Variants in CNIH3 observed in about 807,000 individuals in gnomAD.
CNIH3 encodes the protein protein cornichon homolog 3.
A neutral mutation model predicts 24.1 loss-of-function variants in CNIH3; 14 were observed. That is an observed-to-expected ratio of 0.58 (90% CI 0.38 to 0.91). CNIH3 has a LOEUF of 0.91. Among genes scored for constraint, CNIH3 ranks in the 40% least tolerant of loss-of-function variants. CNIH3 has a pLI of 0.00. For synonymous variants in CNIH3, 68 were observed against 73.8 expected (o/e 0.92, Z 0.40); for missense variants, 178 against 196.8 (o/e 0.90, Z 0.57).
chr1:224,540,301 A>G (rs1259251823), downstream of CNIH3, among the ~76,000 whole-genome samples: 1 of 152,174 alleles, frequency 6.6e-6, no homozygotes, highest in African/African-American at 2.4e-5. Flanking sequence ...GTGTCACCCA[A>G]TAATAAGGCT....
intron 3 of CNIH3, among the ~76,000 whole-genome samples, chr1:224,727,548 C>T (rs888135244): frequency 1.3e-5 from 2 of 152,210 alleles, no homozygotes; most frequent in African/African-American, 4.8e-5. Flanking sequence ...AGCCCCAACC[C>T]CTGAGAGCTG....
chr1:224,435,144 T>C, intron 1 of CNIH3: 1 of 985,878 alleles, frequency 1.0e-6, no homozygotes, highest in Non-Finnish European at 1.2e-6. Flanking sequence ...CATGGGCATG[T>C]AAGGTGCGCG....
Position 224,684,294 on chromosome 1 carries a change from A to G in CNIH3, c.151-502A>G, listed in dbSNP as rs7537218. 0.18 allele frequency among the ~76,000 whole-genome samples: 26,805 copies of G among 152,170 alleles called. 2,524 individuals carry two copies. The highest frequency in any genetic ancestry group is 0.23 in the African/African-American group (9,591 of 41,504). ...CATTGTTGTCTAATTTAGTAGGGAG[A>G]TTACTTCCTCCAAGTAGACTCACTT... On this transcript the variant is annotated intron_variant, in intron 2 of 5. Coordinates refer to ENST00000272133, the MANE Select transcript of CNIH3 (RefSeq NM_152495.2). The surrounding 1 kb of genome is among the most constrained non-coding windows in gnomAD (Gnocchi z 4.2).
chr1:224,563,875 G>A (rs894996078), intron 3 of CNIH3, among the ~76,000 whole-genome samples: 1 of 152,194 alleles, frequency 6.6e-6, no homozygotes, highest in South Asian at 2.1e-4. Context: ...ATTGAGAATA[G>A]CCTCCTGTTT....
intron 3 of CNIH3, among the ~76,000 whole-genome samples, chr1:224,728,356 A>C (rs1236428024): frequency 1.3e-5 from 2 of 152,108 alleles, no homozygotes; most frequent in African/African-American, 4.8e-5. Context: ...CACAGCTCTG[A>C]GGTCCTATAA....
At chr1:224,482,326 C>T (rs954886358) in intron 1 of CNIH3, among the ~76,000 whole-genome samples, 2 of 152,038 alleles carry the variant, frequency 1.3e-5, no homozygotes, top group Non-Finnish European at 2.9e-5. Flanking sequence ...TCGTAGCGAC[C>T]ACAGCTGTGA....
At chr1:224,479,272 G>A (rs147263165) in intron 1 of CNIH3, among the ~76,000 whole-genome samples, 2,570 of 146,908 alleles carry the variant, frequency 0.017, 46 homozygotes, top group Non-Finnish European at 0.024. Context: ...TCCTGCCTCA[G>A]CCTCCCAAGT....
intron 3 of CNIH3, among the ~76,000 whole-genome samples, chr1:224,720,100 G>T (rs979250450): frequency 6.6e-6 from 1 of 152,178 alleles, no homozygotes. Flanking sequence ...TGATGATGAT[G>T]ATGATGACAG....
intron 5 of CNIH3, among the ~76,000 whole-genome samples, chr1:224,586,289 T>G (rs1275834739): frequency 2.0e-5 from 3 of 152,178 alleles, no homozygotes; most frequent in African/African-American, 4.8e-5. Context: ...CAGTTCCATG[T>G]GGCTGGGGAG....
chr1:224,457,416 C>A (rs181794945), intron 1 of CNIH3, among the ~76,000 whole-genome samples: 4 of 151,802 alleles, frequency 2.6e-5, no homozygotes, highest in African/African-American at 9.7e-5. Flanking sequence ...CTCTGCCTAG[C>A]CTTTACATTT....
chr1:224,611,642 A>T (rs1471514540), upstream of CNIH3: 2 of 152,254 alleles, frequency 1.3e-5, no homozygotes, highest in South Asian at 4.1e-4. Context: ...AAACTGTGTC[A>T]TATGGCCTCT....
rs900434009 is a variant in CNIH3, at chr1:224,563,602, A to C, written n.451-2597A>C. 5.3e-5 allele frequency among the ~76,000 whole-genome samples: 8 copies of C among 152,120 alleles called. No individual in the cohort carries two copies. In the East Asian group the frequency reaches 1.3e-3, roughly 26 times the overall value. ...GATTCTGAAGAACTTTAGAGTACTTAAGATTGGCATCCATTAGCCTAGGCT... is the reference window on the plus strand; with the variant it reads ...GATTCTGAAGAACTTTAGAGTACTTCAGATTGGCATCCATTAGCCTAGGCT... On this transcript the variant is annotated intron_variant and non_coding_transcript_variant, in intron 3 of 5. Coordinates refer to the CNIH3 transcript ENST00000471578.
chr1:224,626,394 A>G (rs138883614), intron 1 of CNIH3, among the ~76,000 whole-genome samples: 47 of 152,240 alleles, frequency 3.1e-4, no homozygotes, highest in Non-Finnish European at 5.1e-4. Flanking sequence ...ATACAAATCC[A>G]GGGCATAATG....
At chr1:224,517,940 A>G (rs574666250) in intron 1 of CNIH3, among the ~76,000 whole-genome samples, 1 of 152,222 alleles carries the variant, frequency 6.6e-6, no homozygotes, top group African/African-American at 2.4e-5. Context: ...TGAGGAGGGT[A>G]AGGAATGCAG....
At chr1:224,622,847 T>C (rs1397005885) in intron 1 of CNIH3, among the ~76,000 whole-genome samples, 1 of 152,232 alleles carries the variant, frequency 6.6e-6, no homozygotes. Flanking sequence ...CACATGGCTC[T>C]GCGCTTTGCC....
chr1:224,578,784 A>T (rs1378492659), intron 4 of CNIH3, among the ~76,000 whole-genome samples: 1 of 152,132 alleles, frequency 6.6e-6, no homozygotes, highest in Non-Finnish European at 1.5e-5. Flanking sequence ...CTGATTCTTT[A>T]TACTTTTGTT....
intron 3 of CNIH3, chr1:224,565,842 T>C (rs573182991): frequency 6.6e-6 from 1 of 152,296 alleles, no homozygotes; most frequent in Non-Finnish European, 1.5e-5. Context: ...TATGTGTTTA[T>C]TTTTCCAGCA....
chr1:224,612,493 T>G (rs1572580093), upstream of CNIH3, among the ~76,000 whole-genome samples: 1 of 152,278 alleles, frequency 6.6e-6, no homozygotes, highest in Middle Eastern at 3.4e-3. This position sits in a 1 kb window ranked among gnomAD's most constrained non-coding sequence, Gnocchi z 4.7. Flanking sequence ...TGTTTTGACT[T>G]GGGATCCAGA....
At chr1:224,541,651 C>G (rs1009107239), downstream of CNIH3, among the ~76,000 whole-genome samples, 9 of 152,178 alleles carry the variant, frequency 5.9e-5, no homozygotes, top group Non-Finnish European at 8.8e-5. Flanking sequence ...TATTGCTTCT[C>G]AAAGGGTAGA....
Sources: allele counts gnomAD v4.1 joint callset (sites outside exome capture counted in the v4.1 genomes callset), GRCh38; gene constraint gnomAD v4.1.1; non-coding constraint Gnocchi (gnomAD v3.1); transcripts MANE v1.5; gene names NCBI Gene and HGNC (gene_info 2026-07-23, HGNC 2026-07-21).